Variants in UBE2E2 observed in about 807,000 individuals in gnomAD.
The protein encoded by UBE2E2 is ubiquitin-conjugating enzyme E2 E2.
Under a neutral mutation model 24.7 loss-of-function variants are expected in UBE2E2, and 6 were observed. The ratio of observed to expected loss-of-function variants is 0.24; its 90% CI spans 0.13 to 0.48. The LOEUF (loss-of-function observed/expected upper bound fraction) is 0.48. Ranked by LOEUF, UBE2E2 falls within the 20% of genes least tolerant of loss-of-function variation. The pLI is 0.99. For missense variants in UBE2E2, 169 were observed against 245.0 expected, an observed-to-expected ratio of 0.69 and a Z score of 2.07; for synonymous variants, 104 against 83.6, an observed-to-expected ratio of 1.24 and a Z score of -1.33.
intron 3 of UBE2E2, among the ~76,000 whole-genome samples, chr3:23,262,001 T>C (rs1697914037): frequency 6.6e-6 from 1 of 152,208 alleles, no homozygotes; most frequent in Non-Finnish European, 1.5e-5. Flanking sequence ...AGAAGTAGCA[T>C]TGCTAAAACA....
At chr3:23,375,063 T>A (rs1235171340) in intron 3 of UBE2E2, among the ~76,000 whole-genome samples, 1 of 152,126 alleles carries the variant, frequency 6.6e-6, no homozygotes, top group African/African-American at 2.4e-5. Context: ...TTATTCGTAT[T>A]TACATATCAT....
chr3:23,437,941 C>G (rs1698219056), intron 3 of UBE2E2, among the ~76,000 whole-genome samples: 1 of 152,124 alleles, frequency 6.6e-6, no homozygotes, highest in Non-Finnish European at 1.5e-5. Flanking sequence ...GCAGTAAATG[C>G]AGTATGAGCA....
chr3:23,308,303 T>G (rs1699287798), intron 3 of UBE2E2, among the ~76,000 whole-genome samples: 1 of 152,216 alleles, frequency 6.6e-6, no homozygotes. Context: ...TATGTAGTTT[T>G]TATTTCTTTA....
At chr3:23,224,765 T>C (rs1374212685) in intron 3 of UBE2E2, among the ~76,000 whole-genome samples, 1 of 152,180 alleles carries the variant, frequency 6.6e-6, no homozygotes, top group East Asian at 1.9e-4. Context: ...TTATATTGTT[T>C]CCACTTTTTT....
intron 3 of UBE2E2, among the ~76,000 whole-genome samples, chr3:23,385,075 C>T (rs1157324715): frequency 2.6e-5 from 4 of 152,264 alleles, no homozygotes; most frequent in South Asian, 2.1e-4. Flanking sequence ...GGACCACGGG[C>T]GCACACTACC....
At chr3:23,486,921 T>C (rs1172218255) in intron 3 of UBE2E2, among the ~76,000 whole-genome samples, 1 of 152,218 alleles carries the variant, frequency 6.6e-6, no homozygotes, top group Non-Finnish European at 1.5e-5. Context: ...GACTTCAGGC[T>C]GTTCCTGGCT....
intron 3 of UBE2E2, among the ~76,000 whole-genome samples, chr3:23,443,029 A>G (rs1575632967): frequency 6.6e-6 from 1 of 152,346 alleles, no homozygotes. Flanking sequence ...CAATAACAAC[A>G]GTACTTTCCA....
chr3:23,530,572 C>T (rs1489572944), intron 4 of UBE2E2, among the ~76,000 whole-genome samples: 1 of 152,140 alleles, frequency 6.6e-6, no homozygotes, highest in East Asian at 1.9e-4. Flanking sequence ...CTAGTGTTTA[C>T]ACAGTATATG....
chr3:23,386,625 T>C (rs966687920), intron 3 of UBE2E2, among the ~76,000 whole-genome samples: 1 of 152,248 alleles, frequency 6.6e-6, no homozygotes, highest in Non-Finnish European at 1.5e-5. Flanking sequence ...AAATGTATAA[T>C]GAGTTTTTAA....
At chr3:23,405,754 A>G (rs1206241872) in intron 3 of UBE2E2, among the ~76,000 whole-genome samples, 1 of 152,060 alleles carries the variant, frequency 6.6e-6, no homozygotes, top group East Asian at 1.9e-4. Context: ...TTTAGTTTTA[A>G]CCTTTATTTA....
intron 3 of UBE2E2, among the ~76,000 whole-genome samples, chr3:23,341,710 C>G (rs1559353906): frequency 6.7e-6 from 1 of 149,422 alleles, no homozygotes; most frequent in Non-Finnish European, 1.5e-5. Context: ...TCTTCTCGTT[C>G]TTTTTTTTTT....
chr3:23,331,541 A>C (rs998034855), intron 3 of UBE2E2, among the ~76,000 whole-genome samples: 1 of 152,106 alleles, frequency 6.6e-6, no homozygotes, highest in Non-Finnish European at 1.5e-5. Flanking sequence ...AGATAGGGTG[A>C]TCAGAGAAGA....
At position 23,354,037 on chromosome 3, in the gene UBE2E2, A is replaced by G. The variant is rs185715039; in HGVS notation, c.227+136725A>G. 1.4e-3 allele frequency among the ~76,000 whole-genome samples: 211 copies of G among 152,338 alleles called. 2 individuals carry two copies. Among genetic ancestry groups the G allele is most frequent in the East Asian group, 1.5e-3 (8 of 5,190 alleles). ...CAGCATGGTACTGGTACCAAAACAG[A>G]GATATAGATCAGCGGAACAGAACAG... On this transcript the variant is annotated intron_variant, in intron 3 of 5. Transcript: ENST00000396703.
intron 3 of UBE2E2, chr3:23,323,645 G>A (rs1694806704): frequency 5.2e-6 from 2 of 381,686 alleles, no homozygotes; most frequent in South Asian, 1.9e-5. Context: ...AACACTTCTG[G>A]GGTTAAGCAT....
chr3:23,265,975 G>GT (rs1460405084), intron 3 of UBE2E2, among the ~76,000 whole-genome samples: 2 of 151,826 alleles, frequency 1.3e-5, no homozygotes, highest in South Asian at 2.1e-4. Flanking sequence ...CAACCCCTGC[G>GT]TTTTTTTGTT....
intron 3 of UBE2E2, among the ~76,000 whole-genome samples, chr3:23,343,038 A>AAATT (rs1344246169): frequency 6.6e-6 from 1 of 152,076 alleles, no homozygotes; most frequent in African/African-American, 2.4e-5. Context: ...AAAAACTCTT[A>AAATT]AAACTTACCC....
At chr3:23,279,689 A>C (rs903636993) in intron 3 of UBE2E2, among the ~76,000 whole-genome samples, 1 of 152,198 alleles carries the variant, frequency 6.6e-6, no homozygotes, top group Non-Finnish European at 1.5e-5. Context: ...TGTTTTCTCT[A>C]ATCAGTGCTG....
chr3:23,534,822 A>C (rs1392799458), intron 5 of UBE2E2, among the ~76,000 whole-genome samples: 1 of 152,186 alleles, frequency 6.6e-6, no homozygotes, highest in Non-Finnish European at 1.5e-5. Context: ...AATAGGAATA[A>C]ATAAGATTTT....
chr3:23,316,740 G>A (rs1030691580), intron 3 of UBE2E2, among the ~76,000 whole-genome samples: 5 of 151,944 alleles, frequency 3.3e-5, no homozygotes, highest in African/African-American at 4.8e-5. Context: ...TCAGAGTCTC[G>A]CTCAAGGCCC....
Sources: gnomAD v4.1 joint callset for allele counts (sites outside exome capture counted in the v4.1 genomes callset) on GRCh38, gnomAD v4.1.1 for gene constraint, MANE v1.5 for transcripts, NCBI Gene and HGNC (gene_info 2026-07-23, HGNC 2026-07-21) for gene names.